Variants in MYH13 observed in about 807,000 individuals in gnomAD.
The protein encoded by MYH13 is myosin-13.
A neutral mutation model predicts 232.1 loss-of-function variants in MYH13; 177 were observed. The observed-to-expected ratio is 0.76, with a 90% CI of 0.67 to 0.86. The LOEUF (loss-of-function observed/expected upper bound fraction) is 0.86. MYH13 is among the 40% of genes least tolerant of loss of function. The pLI is 0.00. For missense variants in MYH13, 2,246 were observed against 2,405.9 expected (o/e 0.93, Z 1.39); for synonymous variants, 884 against 923.5 (o/e 0.96, Z 0.78).
At position 10,309,742 on chromosome 17, in the gene MYH13, T is replaced by C. The variant is rs1410651705; in HGVS notation, c.4745A>G (p.Glu1582Gly). The C allele has an allele frequency of 2.5e-6, 4 of 1,602,316 alleles. No homozygotes were observed. Among genetic ancestry groups the C allele is most frequent in the Middle Eastern group, 1.6e-4 (1 of 6,076 alleles). Residue 1582 changes from glutamate (E) to glycine (G), a missense_variant, in exon 34 of 41, where the codon GAG becomes GGG. By Grantham distance (98) the Glu-to-Gly change is moderately conservative. Coordinates refer to ENST00000252172, the MANE Select transcript of MYH13 (RefSeq NM_003802.3). ...TAGCTGCTCGATTTCTTCATCCTTCTCAATGACCTTGCGGTCTAGCTCGGA... is the reference window on the plus strand; with the variant it reads ...TAGCTGCTCGATTTCTTCATCCTTCCCAATGACCTTGCGGTCTAGCTCGGA... ...VKSELDRKVI[E>G]KDEEIEQLKR...
intron 20 of MYH13, among the ~76,000 whole-genome samples, chr17:10,331,726 A>C (rs905399878): frequency 6.6e-6 from 1 of 152,070 alleles, no homozygotes; most frequent in African/African-American, 2.4e-5. Context: ...GGCATGAACC[A>C]CTGCGCCCCG....
At chr17:10,322,707 C>T (rs534933315) in intron 23 of MYH13, among the ~76,000 whole-genome samples, 1 of 143,518 alleles carries the variant, frequency 7.0e-6, no homozygotes, top group African/African-American at 2.6e-5. Flanking sequence ...AGTCTCAGCT[C>T]ACTGCAAGCT....
chr17:10,306,772 C>T lies in MYH13; in HGVS notation c.5296-143G>A. On this transcript the variant is annotated intron_variant, in intron 36 of 40. Transcript: ENST00000252172. This position sits in a 1 kb window ranked among gnomAD's most constrained non-coding sequence, Gnocchi z 4.3. Reference sequence around the variant, plus strand: ...TCATTGCTGATTCCCCACAGCCTCCCCTCCCACTTTGCCACTGCTGAGACT... The same window carrying T: ...TCATTGCTGATTCCCCACAGCCTCCTCTCCCACTTTGCCACTGCTGAGACT... The T allele has an allele frequency of 6.6e-7, 1 of 1,517,230 alleles. No individual in the cohort carries two copies. The highest frequency in any genetic ancestry group is 8.8e-7 in the Non-Finnish European group (1 of 1,132,278). 94.0% of individuals were successfully genotyped at this position (1,517,230 alleles called of 1,614,324 possible). A position where few individuals can be genotyped will look rare whatever the true frequency, so the allele number is the denominator to read the frequency against.
chr17:10,301,675 C>T lies in MYH13; in HGVS notation c.5696G>A (p.Arg1899Lys). The T allele has an allele frequency of 6.2e-7, 1 of 1,614,022 alleles. No individual in the cohort carries two copies. The highest frequency in any genetic ancestry group is 1.1e-5 in the South Asian group (1 of 91,090). ...AEEQANTQLS[R>K]CRRVQHELEE... ...TAGCTCATGCTGGACTCTCCGGCAT[C>T]TGGACAGCTGCGTGTTGGCCTGCTC... The change falls in exon 40 of 41, where the codon AGA (arginine) becomes AAA (lysine). Residue 1899 changes from arginine to lysine, a missense_variant. Physicochemically the swap from Arg to Lys is conservative, Grantham distance 26 (BLOSUM62 2). Transcript: ENST00000252172.
Position 10,350,817 on chromosome 17 carries a change from G to A in MYH13, c.1006-123C>T, listed in dbSNP as rs540139167. Reference sequence around the variant, plus strand: ...GAGACAGCATTTGCCCAAATAAGTGGATGACAGGTGGGGATGTGGTAAATT... The same window carrying A: ...GAGACAGCATTTGCCCAAATAAGTGAATGACAGGTGGGGATGTGGTAAATT... On this transcript the variant is annotated intron_variant, in intron 11 of 40. Coordinates refer to ENST00000252172, the MANE Select transcript of MYH13 (RefSeq NM_003802.3). The A allele has an allele frequency of 2.1e-4, 266 of 1,266,510 alleles. 10 individuals carry two copies. In the South Asian group the frequency reaches 3.1e-3, roughly 15 times the overall value. The allele number at this position is 1,266,510 out of a possible 1,614,324, so 78.5% of individuals were successfully genotyped here.
chr17:10,372,105 GTCTTTAATGCA>G (rs2071881610), intron 1 of MYH13, among the ~76,000 whole-genome samples: 1 of 152,018 alleles, frequency 6.6e-6, no homozygotes, highest in South Asian at 2.1e-4. Context: ...TTCCTTCTCC[GTCTTTAATGCA>G]TCTTAAATAA....
In MYH13 at chr17:10,326,981, G is replaced by GTTTTTTTTTTTTTTTTTTTTT. The variant is rs61543278; in HGVS notation, c.2691+864_2691+884dup. ...GAGACATGCACCACCATGCCTACTAGTTTTTTTTTTTTTTTTTTTTTTTTT... is the reference window on the plus strand; with the variant it reads ...GAGACATGCACCACCATGCCTACTAGTTTTTTTTTTTTTTTTTTTTTTTTTTTTTTTTTTTTTTTTTTTTTT... On this transcript the variant is annotated intron_variant, in intron 22 of 40. Coordinates refer to ENST00000252172, the MANE Select transcript of MYH13 (RefSeq NM_003802.3). 2.0e-4 allele frequency among the ~76,000 whole-genome samples: 11 copies of GTTTTTTTTTTTTTTTTTTTTT among 55,832 alleles called. 5 individuals are homozygous for GTTTTTTTTTTTTTTTTTTTTT. Among genetic ancestry groups the GTTTTTTTTTTTTTTTTTTTTT allele is most frequent in the Admixed American group, 5.7e-4 (2 of 3,494 alleles). The allele number at this position is 55,832 out of a possible 152,430, so 36.6% of individuals were successfully genotyped here.
In MYH13 at chr17:10,301,777, G is replaced by C. The variant is rs916110589; in HGVS notation, c.5668-74C>G. ...ATTATGAGGTGCCCTGTCTCTGAAG[G>C]CCTCTGAGGAGTTAAGCAACCAGGG... On this transcript the variant is annotated intron_variant, in intron 39 of 40. Coordinates refer to ENST00000252172, the MANE Select transcript of MYH13 (RefSeq NM_003802.3). The C allele has an allele frequency of 5.9e-5, 92 of 1,548,484 alleles. No homozygotes were observed. In the Middle Eastern group the frequency reaches 6.9e-4, roughly 12 times the overall value.
intron 18 of MYH13, among the ~76,000 whole-genome samples, chr17:10,338,996 C>T (rs1054400207): frequency 3.9e-5 from 6 of 152,192 alleles, no homozygotes; most frequent in East Asian, 1.9e-4. Context: ...CCACTGTGCC[C>T]GGCCTATCCT....
At chr17:10,327,330 G>T (rs573006233) in intron 22 of MYH13, among the ~76,000 whole-genome samples, 2 of 151,394 alleles carry the variant, frequency 1.3e-5, no homozygotes, top group South Asian at 4.2e-4. Flanking sequence ...TTTTTTTACA[G>T]AGATGGGGTT....
At chr17:10,326,334 G>A (rs981065294) in intron 22 of MYH13, among the ~76,000 whole-genome samples, 3 of 152,190 alleles carry the variant, frequency 2.0e-5, no homozygotes, top group South Asian at 2.1e-4. Flanking sequence ...AAGTGAAAAG[G>A]GGAGCGGAAA....
At chr17:10,336,550 G>A (rs938637197) in intron 18 of MYH13, among the ~76,000 whole-genome samples, 4 of 152,056 alleles carry the variant, frequency 2.6e-5, no homozygotes, top group Non-Finnish European at 5.9e-5. Context: ...TGGCAAAAAA[G>A]CCTCCTGCAA....
Position 10,309,609 on chromosome 17 carries a change from A to G in MYH13, c.4878T>C (p.Leu1626=), listed in dbSNP as rs1278957803. Residue 1626 remains leucine, a synonymous_variant, in exon 34 of 41, where the codon CTT becomes CTC. Coordinates refer to ENST00000252172, the MANE Select transcript of MYH13 (RefSeq NM_003802.3). ...GGCCCAGCTGAATCTCCATCTCATT[A>G]AGGTCTCCCTCCATCTTCTTCTTTA... ...LRLKKKMEGD[L]NEMEIQLGHS... is the part of the protein sequence containing the mutation. 6.2e-7 allele frequency: 1 copy of G among 1,613,230 alleles called. No individual in the cohort carries two copies. Among genetic ancestry groups the G allele is most frequent in the African/African-American group, 1.3e-5 (1 of 74,870 alleles).
rs200874893 is a variant in MYH13, at chr17:10,320,465, A to G, written c.3143T>C (p.Leu1048Pro). ...LEGSLEQEKK[L>P]RADLERAKRK... ...CTTCGCCCTTTCCAAGTCCGCCCGC[A>G]GTTTCTTCTCCTGCTCTAAGGAACC... Residue 1048 changes from leucine (L) to proline (P), a missense_variant, in exon 25 of 41, where the codon CTG becomes CCG. By Grantham distance (98) the Leu-to-Pro change is moderately conservative. Transcript: ENST00000252172. 2.8e-4 allele frequency: 452 copies of G among 1,613,438 alleles called. No individual in the cohort carries two copies. The highest frequency in any genetic ancestry group is 8.3e-4 in the Admixed American group (50 of 59,974).
chr17:10,368,942 A>G (rs1038231728), intron 2 of MYH13, among the ~76,000 whole-genome samples: 4 of 152,220 alleles, frequency 2.6e-5, no homozygotes, highest in Non-Finnish European at 4.4e-5. Context: ...ATTTTTTGAT[A>G]AGGTCCTCAG....
intron 7 of MYH13, among the ~76,000 whole-genome samples, chr17:10,359,132 T>C (rs72814785): frequency 0.14 from 21,010 of 152,174 alleles, 1,502 homozygotes; most frequent in African/African-American, 0.16. Flanking sequence ...TCTTTTTGTG[T>C]GCTAATGAGA....
intron 15 of MYH13, 133 bp downstream of exon 15, chr17:10,345,069 G>A (rs1180424710): frequency 7.4e-7 from 1 of 1,355,956 alleles, no homozygotes; most frequent in Non-Finnish European, 1.0e-6. Context: ...TTGCAAATAG[G>A]CATTCAGTTA....
At position 10,306,469 on chromosome 17, in the gene MYH13, A is replaced by G; in HGVS notation, c.5456T>C (p.Leu1819Pro). ...LKGGKKQIQK[L>P]ENRVRELENE... The stretch of plus-strand genomic sequence containing the variant: ...TCTCAAAAACTCTACCCGGTTCTCC[A>G]GTTTCTGGATCTGCTTCTTCCCGCC... The change falls in exon 37 of 41, where the codon CTG (leucine) becomes CCG (proline). Residue 1819 changes from leucine (L) to proline (P), a missense_variant. Physicochemically the swap from Leu to Pro is moderately conservative, Grantham distance 98. Coordinates refer to ENST00000252172, the MANE Select transcript of MYH13 (RefSeq NM_003802.3). The surrounding 1 kb of genome is among the most constrained non-coding windows in gnomAD (Gnocchi z 4.3). 6.2e-7 allele frequency: 1 copy of G among 1,614,054 alleles called. No homozygotes were observed. The highest frequency in any genetic ancestry group is 8.5e-7 in the Non-Finnish European group (1 of 1,180,004).
chr17:10,312,007 T>G lies in MYH13; in HGVS notation c.4435A>C (p.Arg1479=), dbSNP rs1447160301. 26 of 1,614,042 alleles carry G rather than the reference T, an allele frequency of 1.6e-5. No homozygotes were observed. Among genetic ancestry groups the G allele is most frequent in the African/African-American group, 2.7e-5 (2 of 75,054 alleles). ...AELEAAQKES[R]SLSTELFKMR... ...TTGAAGAGTTCAGTGCTGAGTGACC[T>G]GGACTCCTTCTGAGCAGCTTCCAAC... Residue 1479 remains arginine, a synonymous_variant, in exon 32 of 41, where the codon AGG becomes CGG. Transcript: ENST00000252172.
Sources: allele counts gnomAD v4.1 joint callset (sites outside exome capture counted in the v4.1 genomes callset), GRCh38; gene constraint gnomAD v4.1.1; non-coding constraint Gnocchi (gnomAD v3.1); transcripts MANE v1.5; gene names NCBI Gene and HGNC (gene_info 2026-07-23, HGNC 2026-07-21).